GRIN2B: variants seen among roughly 807,000 people sequenced by gnomAD.
GRIN2B encodes the protein glutamate receptor ionotropic, NMDA 2B.
A neutral mutation model predicts 114.5 loss-of-function variants in GRIN2B; 5 were observed. The ratio of observed to expected loss-of-function variants is 0.04; its 90% confidence interval spans 0.02 to 0.09. The LOEUF (loss-of-function observed/expected upper bound fraction) is 0.09, where lower values mean the gene tolerates loss of function less well. Ranked by LOEUF, GRIN2B falls within the 10% of genes least tolerant of loss-of-function variation. GRIN2B has a pLI of 1.00. For missense variants in GRIN2B, 1,108 were observed against 1,943.5 expected (o/e 0.57, Z 8.08); for synonymous variants, 787 against 745.1 (o/e 1.06, Z -0.92).
At chr12:13,647,434 G>T (rs1949771024) in intron 5 of GRIN2B, among the ~76,000 whole-genome samples, 1 of 152,068 alleles carries the variant, frequency 6.6e-6, no homozygotes, top group Non-Finnish European at 1.5e-5. Context: ...CCACCATGTT[G>T]CTTTTCCACA....
intron 2 of GRIN2B, among the ~76,000 whole-genome samples, chr12:13,964,983 C>T (rs1435243742): frequency 6.6e-6 from 1 of 152,206 alleles, no homozygotes; most frequent in Admixed American, 6.5e-5. Flanking sequence ...CAGGTGAGAA[C>T]CACATAGCAT....
chr12:13,701,513 CAA>C (rs10536664), intron 4 of GRIN2B, among the ~76,000 whole-genome samples: 67,550 of 131,036 alleles, frequency 0.52, 15,750 homozygotes, highest in Middle Eastern at 0.58. Flanking sequence ...TTCAGTGGCA[CAA>C]AAAAAAAAAA....
intron 3 of GRIN2B, among the ~76,000 whole-genome samples, chr12:13,787,045 A>T (rs1248013409): frequency 6.6e-6 from 1 of 152,100 alleles, no homozygotes; most frequent in Non-Finnish European, 1.5e-5. Context: ...TTCAGCTTCT[A>T]CCTCCCAAAA....
chr12:13,950,849 T>C (rs1368681462), intron 2 of GRIN2B, among the ~76,000 whole-genome samples: 1 of 152,186 alleles, frequency 6.6e-6, no homozygotes, highest in Non-Finnish European at 1.5e-5. Context: ...GGCCAGAATT[T>C]TAATACCTCC....
chr12:13,883,578 T>C (rs1866101410), intron 2 of GRIN2B, among the ~76,000 whole-genome samples: 1 of 152,306 alleles, frequency 6.6e-6, no homozygotes, highest in African/African-American at 2.4e-5. Flanking sequence ...TTTCAATGTT[T>C]ATTTACCATC....
intron 4 of GRIN2B, among the ~76,000 whole-genome samples, chr12:13,679,216 T>A (rs1950106249): frequency 6.6e-6 from 1 of 152,146 alleles, no homozygotes; most frequent in South Asian, 2.1e-4. Flanking sequence ...AAGGAAAGTA[T>A]CTATTTCAGA....
chr12:13,770,690 C>G (rs1863890701), intron 3 of GRIN2B, among the ~76,000 whole-genome samples: 1 of 152,156 alleles, frequency 6.6e-6, no homozygotes, highest in African/African-American at 2.4e-5. Flanking sequence ...TGGACAGGCC[C>G]TGGTGTGTGT....
chr12:13,676,594 G>A (rs141515907), intron 4 of GRIN2B, among the ~76,000 whole-genome samples: 8 of 152,230 alleles, frequency 5.3e-5, no homozygotes, highest in South Asian at 2.1e-4. Flanking sequence ...AAAAAACAAA[G>A]GTGGATTAAA....
At chr12:13,576,854 A>G (rs913514798) in intron 10 of GRIN2B, among the ~76,000 whole-genome samples, 1 of 152,166 alleles carries the variant, frequency 6.6e-6, no homozygotes, top group Non-Finnish European at 1.5e-5. Context: ...TGCTGGGCTC[A>G]GTACTCTTTA....
At chr12:13,636,036 A>G (rs534825602) in intron 5 of GRIN2B, among the ~76,000 whole-genome samples, 8 of 152,306 alleles carry the variant, frequency 5.3e-5, no homozygotes, top group African/African-American at 1.9e-4. Flanking sequence ...TATTGAGATA[A>G]TTAAAGGTGG....
intron 10 of GRIN2B, among the ~76,000 whole-genome samples, chr12:13,576,530 CT>C: frequency 6.7e-6 from 1 of 150,228 alleles, no homozygotes; most frequent in East Asian, 2.0e-4. Context: ...GTATAGTACT[CT>C]TTATTTTCTT....
chr12:13,969,102 C>T (rs1286457362), intron 2 of GRIN2B, among the ~76,000 whole-genome samples: 2 of 152,174 alleles, frequency 1.3e-5, no homozygotes, highest in African/African-American at 2.4e-5. Context: ...ATGCTTATGG[C>T]CAGTACCATG....
At position 13,916,979 on chromosome 12, in the gene GRIN2B, C is replaced by T. The variant is rs571998143; in HGVS notation, c.-18-50753G>A. Among the ~76,000 whole-genome samples the T allele has an allele frequency of 2.0e-5, 3 of 151,760 alleles. No individual in the cohort carries two copies. In the South Asian group the frequency reaches 6.3e-4, roughly 32 times the overall value. On this transcript the variant is annotated intron_variant, in intron 2 of 13. Coordinates refer to ENST00000609686, the MANE Select transcript of GRIN2B (RefSeq NM_000834.5). ...AAAGAACAAATAGAAATATGCCAGGCAAAGATGGGGAAGAGAAAGCTACAT... is the reference window on the plus strand; with the variant it reads ...AAAGAACAAATAGAAATATGCCAGGTAAAGATGGGGAAGAGAAAGCTACAT...
chr12:13,724,326 T>C (rs532425968), intron 4 of GRIN2B, among the ~76,000 whole-genome samples: 56 of 152,202 alleles, frequency 3.7e-4, no homozygotes, highest in African/African-American at 1.3e-3. Context: ...CCCGGCCAAT[T>C]ACAGGTTTGC....
At chr12:13,590,002 T>A (rs889446291) in intron 10 of GRIN2B, among the ~76,000 whole-genome samples, 1 of 152,046 alleles carries the variant, frequency 6.6e-6, no homozygotes, top group Non-Finnish European at 1.5e-5. Context: ...CTAAACACAG[T>A]AGTCAAAATG....
chr12:13,807,225 C>T (rs1864617969), intron 3 of GRIN2B, among the ~76,000 whole-genome samples: 1 of 152,064 alleles, frequency 6.6e-6, no homozygotes, highest in African/African-American at 2.4e-5. Flanking sequence ...CTATGGTGAC[C>T]TTCTGCCCAA....
At chr12:13,954,207 A>C (rs1342182946) in intron 2 of GRIN2B, among the ~76,000 whole-genome samples, 1 of 152,152 alleles carries the variant, frequency 6.6e-6, no homozygotes, top group Non-Finnish European at 1.5e-5. Flanking sequence ...CTAACCCACA[A>C]TGGCATTGAT....
chr12:13,700,691 C>T (rs754793825), intron 4 of GRIN2B, among the ~76,000 whole-genome samples: 6 of 152,170 alleles, frequency 3.9e-5, no homozygotes, highest in African/African-American at 1.2e-4. Flanking sequence ...CTCCAGCCCT[C>T]GTCAAACACT....
chr12:13,796,767 T>C (rs1864424866), intron 3 of GRIN2B, among the ~76,000 whole-genome samples: 1 of 152,160 alleles, frequency 6.6e-6, no homozygotes, highest in East Asian at 1.9e-4. Flanking sequence ...TGAAAGTCCA[T>C]CCAATCCAAA....
Sources: gnomAD v4.1 joint callset for allele counts (sites outside exome capture counted in the v4.1 genomes callset) on GRCh38, gnomAD v4.1.1 for gene constraint, MANE v1.5 for transcripts, NCBI Gene and HGNC (gene_info 2026-07-23, HGNC 2026-07-21) for gene names.